Variants in DGKH observed in about 807,000 individuals in gnomAD.
DGKH encodes DAG kinase eta.
DGKH carries 90 observed loss-of-function variants against 159.3 expected under a neutral mutation model. The ratio of observed to expected loss-of-function variants is 0.57; its 90% CI spans 0.48 to 0.67. DGKH has a LOEUF of 0.67. DGKH is among the 30% of genes least tolerant of loss of function. The pLI is 0.00. For missense variants in DGKH, 1,181 were observed against 1,506.1 expected (o/e 0.78, Z 3.57); for synonymous variants, 536 against 553.8 (o/e 0.97, Z 0.45).
chr13:42,051,646 C>CTTTTTTTTTT (rs56413015), intron 1 of DGKH, among the ~76,000 whole-genome samples: 4 of 50,182 alleles, frequency 8.0e-5, no homozygotes, highest in Admixed American at 3.7e-4. Flanking sequence ...TCAAAGCCAT[C>CTTTTTTTTTT]TTTTTTTTTT....
intron 30 of DGKH, among the ~76,000 whole-genome samples, chr13:42,254,297 G>A (rs1958641918): frequency 6.6e-6 from 1 of 152,150 alleles, no homozygotes; most frequent in Admixed American, 6.6e-5. Context: ...TACAAATCAT[G>A]ATGCATTTAT....
chr13:42,217,148 C>T (rs1957821067), intron 26 of DGKH, among the ~76,000 whole-genome samples: 1 of 152,144 alleles, frequency 6.6e-6, no homozygotes, highest in East Asian at 1.9e-4. Context: ...AAGGTTTACT[C>T]TATATTTTAG....
rs1958483080 is a variant in DGKH, at chr13:42,239,752, T to C, written c.*10564T>C. 1 of 152,628 alleles carries C rather than the reference T, an allele frequency of 6.6e-6. No individual in the cohort carries two copies. Among genetic ancestry groups the C allele is most frequent in the South Asian group, 2.1e-4 (1 of 4,832 alleles). 9.5% of individuals were successfully genotyped at this position (152,628 alleles called of 1,614,324 possible). A position where few individuals can be genotyped will look rare whatever the true frequency, so the allele number is the denominator to read the frequency against. On this transcript the variant is annotated 3_prime_UTR_variant, in exon 30 of 30. Coordinates refer to ENST00000337343, the MANE Select transcript of DGKH (RefSeq NM_178009.5). Reference sequence around the variant, plus strand: ...TTTGCTAAAGTTCTTAAGTAGGCTCTTTTTTCTCTAAATTACAGAATAGCA... The same window carrying C: ...TTTGCTAAAGTTCTTAAGTAGGCTCCTTTTTCTCTAAATTACAGAATAGCA...
At chr13:42,213,725 C>T (rs1055855255) in intron 24 of DGKH, among the ~76,000 whole-genome samples, 4 of 152,144 alleles carry the variant, frequency 2.6e-5, no homozygotes, top group African/African-American at 9.7e-5. Flanking sequence ...AATATTTCTC[C>T]ATGAAGCTGT....
At chr13:42,255,796 T>G in intron 30 of DGKH, 9 of 513,276 alleles carry the variant, frequency 1.8e-5, no homozygotes, top group East Asian at 3.2e-5. Context: ...TTCTCTGTCA[T>G]TGGGTTAGGG....
chr13:42,195,378 T>C (rs1057383866), intron 17 of DGKH, among the ~76,000 whole-genome samples: 14 of 152,150 alleles, frequency 9.2e-5, no homozygotes, highest in African/African-American at 3.1e-4. Flanking sequence ...GGTACACCCC[T>C]GTAATCTTAG....
At position 42,068,852 on chromosome 13, in the gene DGKH, A is replaced by G. The variant is rs1882767957; in HGVS notation, c.192+19887A>G. 3 of 683,782 alleles carry G rather than the reference A, an allele frequency of 4.4e-6. No individual in the cohort carries two copies. The South Asian group carries it at 1.3e-4, about 29-fold the overall frequency. 42.4% of individuals were successfully genotyped at this position (683,782 alleles called of 1,614,324 possible). On this transcript the variant is annotated intron_variant, in intron 1 of 29. Coordinates refer to ENST00000337343, the MANE Select transcript of DGKH (RefSeq NM_178009.5). ...CTAAATGACACCATCTGATTCAAGT[A>G]AAAAATGACTTAAACTCTAGTAATA...
downstream of DGKH, among the ~76,000 whole-genome samples, chr13:42,245,870 A>C (rs911553732): frequency 6.6e-6 from 1 of 152,228 alleles, no homozygotes; most frequent in Admixed American, 6.5e-5. Flanking sequence ...GGTGTGAGCC[A>C]TCTACATCAT....
Position 42,168,810 on chromosome 13 carries a change from G to A in DGKH, c.1359G>A (p.Met453Ile). The change falls in exon 11 of 30, where the codon ATG (methionine) becomes ATA (isoleucine). Residue 453 changes from methionine (M) to isoleucine (I), a missense_variant. By Grantham distance (10) the Met-to-Ile change is conservative. Around this residue, in one of 5 missense-constraint regions of DGKH, gnomAD observed 369 missense variants for 519.4 expected, o/e 0.71. Transcript: ENST00000337343. ...LEKLERASTK[M>I]LDRWSIMTYE... ...AACTGGAACGAGCCAGTACCAAAAT[G>A]TTGGACAGGTAAAAGTAAATTCTTT... 1 of 1,612,434 alleles carries A rather than the reference G, an allele frequency of 6.2e-7. No individual in the cohort carries two copies. Among genetic ancestry groups the A allele is most frequent in the Non-Finnish European group, 8.5e-7 (1 of 1,178,956 alleles).
chr13:42,118,226 A>G (rs1594051601), intron 1 of DGKH, among the ~76,000 whole-genome samples: 1 of 152,148 alleles, frequency 6.6e-6, no homozygotes, highest in Non-Finnish European at 1.5e-5. Context: ...CAAAAAAAAA[A>G]GCATTTCCAG....
chr13:42,088,600 A>G (rs1218186281), intron 1 of DGKH, among the ~76,000 whole-genome samples: 2 of 152,078 alleles, frequency 1.3e-5, no homozygotes, highest in Non-Finnish European at 2.9e-5. Flanking sequence ...CCTTAGAGAA[A>G]CCACTTTAAA....
intron 1 of DGKH, among the ~76,000 whole-genome samples, chr13:42,104,097 A>G (rs915032694): frequency 2.0e-5 from 3 of 152,202 alleles, no homozygotes; most frequent in Admixed American, 2.0e-4. Context: ...TATAGCTTAA[A>G]TATTAGAGTT....
chr13:42,046,402 G>C (rs1405870530), upstream of DGKH, among the ~76,000 whole-genome samples: 1 of 152,212 alleles, frequency 6.6e-6, no homozygotes, highest in African/African-American at 2.4e-5. Context: ...CTAATTTACA[G>C]ATAAGACCGA....
Position 42,048,853 on chromosome 13 carries a change from C to T in DGKH, c.80C>T (p.Ser27Phe), listed in dbSNP as rs759888662. The change falls in exon 1 of 30, where the codon TCC (serine) becomes TTC (phenylalanine). Residue 27 changes from serine (S) to phenylalanine (F), a missense_variant. Ser to Phe is a radical substitution (Grantham distance 155). Around this residue, in one of 5 missense-constraint regions of DGKH, gnomAD observed 136 missense variants for 132.2 expected, o/e 1.03. Transcript: ENST00000337343. This position sits in a 1 kb window ranked among gnomAD's most constrained non-coding sequence, Gnocchi z 6.7. ...GCCGGAGCCGGCGCCGCGGTCACCT[C>T]CGCCGCTGCCTCGGCGGGGCCGGGA... ...AAAGAGAAVT[S>F]AAASAGPGED... The T allele has an allele frequency of 1.5e-6, 2 of 1,368,168 alleles. No homozygotes were observed. The highest frequency in any genetic ancestry group is 1.9e-6 in the Non-Finnish European group (2 of 1,057,334). The allele number at this position is 1,368,168 out of a possible 1,614,324, so 84.8% of individuals were successfully genotyped here. A position where few individuals can be genotyped will look rare whatever the true frequency, so the allele number is the denominator to read the frequency against.
intron 2 of DGKH, among the ~76,000 whole-genome samples, chr13:42,127,796 T>A (rs1183231041): frequency 6.6e-6 from 1 of 152,178 alleles, no homozygotes; most frequent in Non-Finnish European, 1.5e-5. Flanking sequence ...TCTAGTGTAG[T>A]TTCATTTCGT....
At chr13:42,108,629 G>A (rs1180708511) in intron 1 of DGKH, among the ~76,000 whole-genome samples, 1 of 152,226 alleles carries the variant, frequency 6.6e-6, no homozygotes, top group Non-Finnish European at 1.5e-5. Flanking sequence ...GCATCTCTAA[G>A]TGGAGATGTC....
At chr13:42,050,535 T>C (rs930744803) in intron 1 of DGKH, among the ~76,000 whole-genome samples, 15 of 152,154 alleles carry the variant, frequency 9.9e-5, no homozygotes, top group African/African-American at 3.4e-4. Context: ...CGTTTTTGAG[T>C]TTGTAGTAAA....
rs143043861 is a variant in DGKH, at chr13:42,177,404, A to T, written c.1453-731A>T. 5.1e-3 allele frequency among the ~76,000 whole-genome samples: 782 copies of T among 152,342 alleles called. 7 individuals carry two copies. The highest frequency in any genetic ancestry group is 5.8e-3 in the Non-Finnish European group (392 of 68,034). ...TCCTATGGTCTTCCATTGCACAAAT[A>T]CACTGCAATTTGTCATCTATTCTAC... On this transcript the variant is annotated intron_variant, in intron 12 of 29. Coordinates refer to ENST00000337343, the MANE Select transcript of DGKH (RefSeq NM_178009.5).
downstream of DGKH, among the ~76,000 whole-genome samples, chr13:42,247,865 G>A (rs903488860): frequency 5.3e-5 from 8 of 150,990 alleles, no homozygotes; most frequent in African/African-American, 1.9e-4. Context: ...AAAAGCTTTT[G>A]TATAACTATA....
Sources: gnomAD v4.1 joint callset for allele counts (sites outside exome capture counted in the v4.1 genomes callset) on GRCh38, gnomAD v4.1.1 for gene constraint, gnomAD v4.1.1 regional missense constraint, Gnocchi (gnomAD v3.1) non-coding constraint, MANE v1.5 for transcripts, NCBI Gene and HGNC (gene_info 2026-07-23, HGNC 2026-07-21) for gene names.